CTDSPL2: variants seen among roughly 807,000 people sequenced by gnomAD.
CTDSPL2 encodes CTD small phosphatase-like protein 2.
Under a neutral mutation model 60.0 loss-of-function variants are expected in CTDSPL2, and 5 were observed. The observed-to-expected ratio is 0.08, with a 90% CI of 0.04 to 0.18. CTDSPL2 has a LOEUF of 0.18. Ranked by LOEUF, CTDSPL2 falls within the 10% of genes least tolerant of loss-of-function variation. The pLI is 1.00. For missense variants in CTDSPL2, 370 were observed against 548.8 expected (o/e 0.67, Z 3.26); for synonymous variants, 186 against 189.3 (o/e 0.98, Z 0.14).
In CTDSPL2 at chr15:44,525,463, C is replaced by A; in HGVS notation, c.*1289C>A. 2.5e-6 allele frequency: 1 copy of A among 398,826 alleles called. No individual in the cohort carries two copies. Among genetic ancestry groups the A allele is most frequent in the Non-Finnish European group, 4.4e-6 (1 of 225,958 alleles). 24.7% of individuals were successfully genotyped at this position (398,826 alleles called of 1,614,324 possible). The stretch of plus-strand genomic sequence containing the variant: ...ATGGAAGGTAGAATTTGTAAAAGTT[C>A]GTATGCTTTGCCTCTCAACTGCATT... On this transcript the variant is annotated 3_prime_UTR_variant, in exon 13 of 13. Coordinates refer to ENST00000260327, the MANE Select transcript of CTDSPL2 (RefSeq NM_016396.3).
intron 2 of CTDSPL2, among the ~76,000 whole-genome samples, chr15:44,483,691 TAGAG>T (rs1388359525): frequency 7.9e-5 from 12 of 152,158 alleles, no homozygotes; most frequent in Admixed American, 2.6e-4. Flanking sequence ...AGGTAGCAAA[TAGAG>T]AGCTTTGTTA....
At chr15:44,523,132 G>T (rs1362869385) in intron 12 of CTDSPL2, among the ~76,000 whole-genome samples, 2 of 152,088 alleles carry the variant, frequency 1.3e-5, no homozygotes, top group African/African-American at 2.4e-5. Context: ...AAGTAGCTGG[G>T]ATTACAGGCG....
intron 2 of CTDSPL2, among the ~76,000 whole-genome samples, chr15:44,475,651 A>G (rs1239126256): frequency 1.3e-5 from 2 of 152,134 alleles, no homozygotes; most frequent in Non-Finnish European, 2.9e-5. Flanking sequence ...AAAAAAAAAA[A>G]AAAGATTCTT....
At chr15:44,443,110 A>G (rs1295506160) in intron 1 of CTDSPL2, among the ~76,000 whole-genome samples, 1 of 152,246 alleles carries the variant, frequency 6.6e-6, no homozygotes. Flanking sequence ...TTGTAAGTAC[A>G]CAGTTCAGTG....
intron 2 of CTDSPL2, among the ~76,000 whole-genome samples, chr15:44,476,491 G>C (rs920649019): frequency 2.0e-5 from 3 of 152,166 alleles, no homozygotes; most frequent in African/African-American, 4.8e-5. Context: ...TACTCTTGCT[G>C]TGTTTTCACA....
chr15:44,521,962 A>AAAAAAAAAAAAAC (rs2081784337), intron 12 of CTDSPL2, among the ~76,000 whole-genome samples: 1 of 150,330 alleles, frequency 6.7e-6, no homozygotes, highest in African/African-American at 2.4e-5. Flanking sequence ...AAAAAAAAAA[A>AAAAAAAAAAAAAC]ACATGATGAT....
At chr15:44,522,396 T>G (rs573495876) in intron 12 of CTDSPL2, among the ~76,000 whole-genome samples, 1 of 152,302 alleles carries the variant, frequency 6.6e-6, no homozygotes, top group South Asian at 2.1e-4. Context: ...AATTTATAGA[T>G]TGAATGTCTT....
intron 4 of CTDSPL2, among the ~76,000 whole-genome samples, chr15:44,489,045 T>C (rs1357940761): frequency 2.0e-5 from 3 of 152,052 alleles, no homozygotes; most frequent in Non-Finnish European, 2.9e-5. Context: ...AAGGTTTACA[T>C]TGATATTTTC....
rs543848664 is a variant in CTDSPL2, at chr15:44,480,727, G to C, written c.187-3497G>C. On this transcript the variant is annotated intron_variant, in intron 2 of 12. Transcript: ENST00000260327. ...ATGTGTCTGTATTCCTAGCTGCTTGGGAGGCTGAGGCAGGAAGAATGCTTG... is the reference window on the plus strand; with the variant it reads ...ATGTGTCTGTATTCCTAGCTGCTTGCGAGGCTGAGGCAGGAAGAATGCTTG... 4.2e-4 allele frequency among the ~76,000 whole-genome samples: 64 copies of C among 152,126 alleles called. 1 individual carries two copies. Among genetic ancestry groups the C allele is most frequent in the African/African-American group, 1.3e-3 (52 of 41,494 alleles).
chr15:44,443,473 G>A (rs1031270149), intron 1 of CTDSPL2, among the ~76,000 whole-genome samples: 2 of 152,162 alleles, frequency 1.3e-5, no homozygotes, highest in African/African-American at 2.4e-5. Flanking sequence ...TTGAGGAACT[G>A]CCATGCCACT....
chr15:44,492,825 T>C (rs1305687064), intron 5 of CTDSPL2, among the ~76,000 whole-genome samples: 10 of 152,252 alleles, frequency 6.6e-5, no homozygotes, highest in Non-Finnish European at 1.3e-4. Context: ...AACCCACCTT[T>C]GACCCATCAT....
intron 1 of CTDSPL2, among the ~76,000 whole-genome samples, chr15:44,445,538 A>G (rs897858101): frequency 1.3e-5 from 2 of 152,020 alleles, no homozygotes; most frequent in African/African-American, 4.8e-5. Context: ...AACTATGTAC[A>G]TAGGAGCTGC....
In CTDSPL2 at chr15:44,514,708, A is replaced by T. The variant is rs769315499; in HGVS notation, c.1032+48A>T. 2.0e-6 allele frequency: 3 copies of T among 1,514,516 alleles called. No homozygotes were observed. In the Admixed American group the frequency reaches 5.1e-5, roughly 26 times the overall value. 93.8% of individuals were successfully genotyped at this position (1,514,516 alleles called of 1,614,324 possible). Reference sequence around the variant, plus strand: ...CATATGTATTTTTATTTTATTCAATATAGTACCCATATTTAGACCATGTAT... The same window carrying T: ...CATATGTATTTTTATTTTATTCAATTTAGTACCCATATTTAGACCATGTAT... On this transcript the variant is annotated intron_variant, in intron 9 of 12. Coordinates refer to ENST00000260327, the MANE Select transcript of CTDSPL2 (RefSeq NM_016396.3).
At chr15:44,469,360 A>G (rs2080759788) in intron 2 of CTDSPL2, among the ~76,000 whole-genome samples, 1 of 152,240 alleles carries the variant, frequency 6.6e-6, no homozygotes, top group African/African-American at 2.4e-5. Flanking sequence ...ATATGAAACA[A>G]TTAGTGTGCT....
At chr15:44,511,635 G>A (rs1258160818) in intron 8 of CTDSPL2, among the ~76,000 whole-genome samples, 2 of 151,980 alleles carry the variant, frequency 1.3e-5, no homozygotes, top group East Asian at 1.9e-4. Flanking sequence ...CTGGGAGGCC[G>A]AGGCGGGGAG....
chr15:44,514,397 T>G (rs879318874), intron 8 of CTDSPL2, among the ~76,000 whole-genome samples: 1 of 152,240 alleles, frequency 6.6e-6, no homozygotes, highest in Non-Finnish European at 1.5e-5. Context: ...CAGTGATTAT[T>G]ATTATCCCAC....
intron 8 of CTDSPL2, among the ~76,000 whole-genome samples, chr15:44,507,957 T>G (rs2081498845): frequency 6.6e-6 from 1 of 152,248 alleles, no homozygotes; most frequent in Non-Finnish European, 1.5e-5. Flanking sequence ...ATATCCTGTA[T>G]TTTATAGATA....
At chr15:44,489,087 C>A (rs2081171719) in intron 4 of CTDSPL2, among the ~76,000 whole-genome samples, 2 of 151,952 alleles carry the variant, frequency 1.3e-5, no homozygotes, top group Non-Finnish European at 2.9e-5. Context: ...CTCTCCCCAC[C>A]CCATACACAC....
Position 44,527,563 on chromosome 15 carries a change from C to T in CTDSPL2, c.*3389C>T, listed in dbSNP as rs868856181. On this transcript the variant is annotated 3_prime_UTR_variant, in exon 13 of 13. Coordinates refer to ENST00000260327, the MANE Select transcript of CTDSPL2 (RefSeq NM_016396.3). Reference sequence around the variant, plus strand: ...AGCTAAAATGTAAAGGACATTGAAGCCTTTATTTAATTGTACTAATATGAT... The same window carrying T: ...AGCTAAAATGTAAAGGACATTGAAGTCTTTATTTAATTGTACTAATATGAT... The T allele has an allele frequency of 6.6e-6, 1 of 152,166 alleles. No individual in the cohort carries two copies. The highest frequency in any genetic ancestry group is 6.5e-5 in the Admixed American group (1 of 15,280). The allele number at this position is 152,166 out of a possible 1,614,324, so 9.4% of individuals were successfully genotyped here.
Sources: allele counts gnomAD v4.1 joint callset (sites outside exome capture counted in the v4.1 genomes callset), GRCh38; gene constraint gnomAD v4.1.1; transcripts MANE v1.5; gene names NCBI Gene and HGNC (gene_info 2026-07-23, HGNC 2026-07-21).